Variants in PTPRD observed in about 807,000 individuals in gnomAD.
The protein encoded by PTPRD is protein tyrosine phosphatase receptor type D, also known as receptor-type tyrosine-protein phosphatase delta.
PTPRD carries 34 observed loss-of-function variants against 214.5 expected under a neutral mutation model. The ratio of observed to expected loss-of-function variants is 0.16; its 90% confidence interval spans 0.12 to 0.21. The LOEUF is 0.21. Among genes scored for constraint, PTPRD ranks in the 10% least tolerant of loss-of-function variants. The probability of loss-of-function intolerance (pLI) is 1.00; values close to 1 mark genes in which losing one functional copy is unlikely to be tolerated. For missense variants in PTPRD, 2,545 were observed against 2,398.7 expected, an observed-to-expected ratio of 1.06 and a Z score of -1.27; for synonymous variants, 1,128 against 845.7, an observed-to-expected ratio of 1.33 and a Z score of -5.79.
intron 7 of PTPRD, among the ~76,000 whole-genome samples, chr9:9,646,805 G>A (rs80182899): frequency 0.028 from 4,251 of 152,116 alleles, 78 homozygotes; most frequent in South Asian, 0.045. Flanking sequence ...ATTAGGCACA[G>A]GAAAAGATGA....
At chr9:8,597,892 G>A (rs2094559044) in intron 14 of PTPRD, among the ~76,000 whole-genome samples, 3 of 152,182 alleles carry the variant, frequency 2.0e-5, no homozygotes, top group South Asian at 2.1e-4. Context: ...AAAGAAAAAT[G>A]TACTCATTTT....
intron 7 of PTPRD, among the ~76,000 whole-genome samples, chr9:9,644,069 T>C (rs1289278944): frequency 6.6e-6 from 1 of 152,192 alleles, no homozygotes; most frequent in Non-Finnish European, 1.5e-5. Flanking sequence ...TCAAAGTTTT[T>C]TTTCTGTACA....
chr9:9,974,473 C>G (rs1242417856), intron 4 of PTPRD, among the ~76,000 whole-genome samples: 1 of 152,252 alleles, frequency 6.6e-6, no homozygotes, highest in African/African-American at 2.4e-5. Context: ...GACTTCAGAT[C>G]AACAACTCTG....
intron 3 of PTPRD, among the ~76,000 whole-genome samples, chr9:10,049,681 A>T (rs2097490230): frequency 6.6e-6 from 1 of 152,234 alleles, no homozygotes; most frequent in East Asian, 1.9e-4. Flanking sequence ...AATCTTCAGT[A>T]AAGAAAGACG....
intron 2 of PTPRD, among the ~76,000 whole-genome samples, chr9:10,427,383 T>G (rs1021878840): frequency 6.6e-6 from 1 of 152,108 alleles, no homozygotes; most frequent in Non-Finnish European, 1.5e-5. Flanking sequence ...TTTTAGAAAC[T>G]TAATTGCTAA....
At chr9:10,498,212 C>T (rs2042669863) in intron 2 of PTPRD, among the ~76,000 whole-genome samples, 1 of 151,880 alleles carries the variant, frequency 6.6e-6, no homozygotes, top group African/African-American at 2.4e-5. Context: ...GATTCTGATG[C>T]TTAGCTTTTT....
intron 44 of PTPRD, among the ~76,000 whole-genome samples, chr9:8,328,331 T>G (rs1032570718): frequency 6.6e-6 from 1 of 152,000 alleles, no homozygotes; most frequent in African/African-American, 2.4e-5. Context: ...TCTTTAGGAA[T>G]GTTGAATATT....
chr9:9,115,293 C>A (rs1307398778), intron 10 of PTPRD, among the ~76,000 whole-genome samples: 1 of 152,002 alleles, frequency 6.6e-6, no homozygotes, highest in Admixed American at 6.6e-5. Flanking sequence ...TGAAAATAAT[C>A]TTACATAGAG....
At chr9:9,453,555 C>T (rs751369497) in intron 8 of PTPRD, among the ~76,000 whole-genome samples, 2 of 151,432 alleles carry the variant, frequency 1.3e-5, no homozygotes, top group Non-Finnish European at 3.0e-5. Flanking sequence ...ATTCTTATTA[C>T]TAAAGGTAAC....
intron 35 of PTPRD, among the ~76,000 whole-genome samples, chr9:8,414,833 T>C (rs1050365179): frequency 6.8e-6 from 1 of 148,016 alleles, no homozygotes; most frequent in Non-Finnish European, 1.5e-5. Flanking sequence ...CAGTCAGGCA[T>C]GTACATGTAC....
intron 3 of PTPRD, among the ~76,000 whole-genome samples, chr9:10,127,328 A>G (rs1039560365): frequency 2.0e-5 from 3 of 152,282 alleles, no homozygotes; most frequent in Admixed American, 1.3e-4. Flanking sequence ...CATTATCTCA[A>G]AATAATGTGG....
At chr9:8,853,185 T>C (rs1432325330) in intron 11 of PTPRD, among the ~76,000 whole-genome samples, 1 of 152,198 alleles carries the variant, frequency 6.6e-6, no homozygotes, top group Non-Finnish European at 1.5e-5. Flanking sequence ...TTCTCCAGTC[T>C]AGCACCATTG....
intron 2 of PTPRD, among the ~76,000 whole-genome samples, chr9:10,579,051 A>G (rs2070708428): frequency 6.6e-6 from 1 of 151,948 alleles, no homozygotes; most frequent in Admixed American, 6.6e-5. Flanking sequence ...TTAGGTATTT[A>G]TCCTAATGCT....
intron 7 of PTPRD, among the ~76,000 whole-genome samples, chr9:9,628,742 T>G (rs1286188213): frequency 6.6e-6 from 1 of 152,126 alleles, no homozygotes; most frequent in Non-Finnish European, 1.5e-5. Flanking sequence ...TTCTCAGGTT[T>G]TTCCATGATT....
chr9:9,750,812 C>A (rs554686425), intron 6 of PTPRD, among the ~76,000 whole-genome samples: 4 of 152,212 alleles, frequency 2.6e-5, no homozygotes, highest in Admixed American at 6.6e-5. Context: ...TATTTCCCCT[C>A]CCCTAATTCC....
At chr9:10,064,833 A>G (rs2097846590) in intron 3 of PTPRD, among the ~76,000 whole-genome samples, 1 of 152,020 alleles carries the variant, frequency 6.6e-6, no homozygotes, top group African/African-American at 2.4e-5. Flanking sequence ...TAAAATAAAT[A>G]AATAATTGTT....
chr9:9,867,546 A>G (rs1035125459), intron 5 of PTPRD, among the ~76,000 whole-genome samples: 3 of 152,164 alleles, frequency 2.0e-5, no homozygotes, highest in Non-Finnish European at 2.9e-5. Context: ...TGAGATTCAA[A>G]ATAATTTCCT....
intron 5 of PTPRD, among the ~76,000 whole-genome samples, chr9:9,872,443 A>C (rs117099360): frequency 0.018 from 2,783 of 152,172 alleles, 38 homozygotes; most frequent in Middle Eastern, 0.069. Context: ...CTACAAAAGA[A>C]AATTTTAATT....
intron 7 of PTPRD, among the ~76,000 whole-genome samples, chr9:9,632,116 G>A (rs1015839135): frequency 2.6e-5 from 4 of 152,074 alleles, no homozygotes; most frequent in Non-Finnish European, 5.9e-5. Flanking sequence ...TCATAGCAGC[G>A]TTATTCACAA....
Sources: allele counts gnomAD v4.1 joint callset (sites outside exome capture counted in the v4.1 genomes callset), GRCh38; gene constraint gnomAD v4.1.1; transcripts MANE v1.5; gene names NCBI Gene and HGNC (gene_info 2026-07-23, HGNC 2026-07-21).